The following TSPAN9 variants were observed in gnomAD, a reference collection of about 807,000 sequenced individuals.
TSPAN9 encodes the protein tetraspanin 9.
Under a neutral mutation model 31.0 loss-of-function variants are expected in TSPAN9, and 16 were observed. The observed-to-expected ratio is 0.52, with a 90% CI of 0.35 to 0.78. The LOEUF is 0.78. Among genes scored for constraint, TSPAN9 ranks in the 30% least tolerant of loss-of-function variants. The pLI, the probability that TSPAN9 is intolerant of heterozygous loss-of-function variation, is 0.01. For synonymous variants in TSPAN9, 145 were observed against 121.6 expected, an observed-to-expected ratio of 1.19 and a Z score of -1.27; for missense variants, 272 against 312.5, an observed-to-expected ratio of 0.87 and a Z score of 0.98.
chr12:3,128,963 T>A lies in TSPAN9; in HGVS notation c.-18+45244T>A, dbSNP rs557629897. Among the ~76,000 whole-genome samples, 230 of 152,296 alleles carry A rather than the reference T, an allele frequency of 1.5e-3. 1 individual carries two copies. Among genetic ancestry groups the A allele is most frequent in the African/African-American group, 5.3e-3 (220 of 41,558 alleles). ...CCAGCCCCTGGTTATCATCATCCAT[T>A]TTCTGGCTATGAATTGGATTATTCC... On this transcript the variant is annotated intron_variant, in intron 2 of 8. Transcript: ENST00000011898.
intron 3 of TSPAN9, among the ~76,000 whole-genome samples, chr12:3,264,329 C>G (rs1862503888): frequency 6.6e-6 from 1 of 152,198 alleles, no homozygotes; most frequent in Non-Finnish European, 1.5e-5. Flanking sequence ...TTCCCGCCCG[C>G]CAGCCCGCCT....
chr12:3,126,234 C>T (rs949307508), intron 2 of TSPAN9, among the ~76,000 whole-genome samples: 4 of 152,188 alleles, frequency 2.6e-5, no homozygotes, highest in Non-Finnish European at 5.9e-5. Flanking sequence ...TATACAGTCA[C>T]GTGTTGCTTC....
intron 2 of TSPAN9, among the ~76,000 whole-genome samples, chr12:3,164,474 C>T (rs776456143): frequency 1.3e-5 from 2 of 152,220 alleles, no homozygotes; most frequent in Non-Finnish European, 2.9e-5. Flanking sequence ...TTCCAGCTCA[C>T]TCTGGTCTTC....
chr12:3,229,909 G>C (rs916502211), intron 3 of TSPAN9, among the ~76,000 whole-genome samples: 2 of 152,220 alleles, frequency 1.3e-5, no homozygotes, highest in Non-Finnish European at 1.5e-5. Flanking sequence ...TGGGAAGCCA[G>C]AGTCCGACCT....
At chr12:3,225,110 T>C (rs1463075207) in intron 3 of TSPAN9, among the ~76,000 whole-genome samples, 4 of 152,098 alleles carry the variant, frequency 2.6e-5, no homozygotes, top group Non-Finnish European at 5.9e-5. Flanking sequence ...GAATCAATCA[T>C]CCTCGCACCC....
chr12:3,187,837 G>A lies in TSPAN9; in HGVS notation c.-17-13340G>A, dbSNP rs1405663645. Among the ~76,000 whole-genome samples, 1 of 152,140 alleles carries A rather than the reference G, an allele frequency of 6.6e-6. No individual in the cohort carries two copies. Among genetic ancestry groups the A allele is most frequent in the Non-Finnish European group, 1.5e-5 (1 of 68,024 alleles). On this transcript the variant is annotated intron_variant, in intron 2 of 8. Transcript: ENST00000011898. This position sits in a 1 kb window ranked among gnomAD's most constrained non-coding sequence, Gnocchi z 5.2. ...TGATGGGCCAGACTCTCCCTGGGCA[G>A]GTCCTCGGGGCACTCCCAGGCTGAA...
chr12:3,195,300 AG>A (rs1454506801), intron 2 of TSPAN9, among the ~76,000 whole-genome samples: 1 of 152,186 alleles, frequency 6.6e-6, no homozygotes, highest in Non-Finnish European at 1.5e-5. Context: ...AGGCAGAGAG[AG>A]CTTGGCATTT....
intron 2 of TSPAN9, among the ~76,000 whole-genome samples, chr12:3,198,112 C>T (rs941601291): frequency 1.3e-4 from 11 of 81,766 alleles, no homozygotes; most frequent in South Asian, 4.0e-4. Flanking sequence ...CCAGCACAGG[C>T]CACCACCAGC....
chr12:3,165,070 G>A (rs1277897314), intron 2 of TSPAN9, among the ~76,000 whole-genome samples: 1 of 152,218 alleles, frequency 6.6e-6, no homozygotes, highest in Non-Finnish European at 1.5e-5. Context: ...TCTGGGGTCA[G>A]CAAGCTTGCA....
intron 3 of TSPAN9, among the ~76,000 whole-genome samples, chr12:3,247,364 G>A (rs1192896775): frequency 2.0e-5 from 3 of 146,686 alleles, no homozygotes; most frequent in Non-Finnish European, 3.0e-5. Flanking sequence ...TGGTTGGAGT[G>A]TAAGCCAGCT....
intron 2 of TSPAN9, among the ~76,000 whole-genome samples, chr12:3,188,975 G>T (rs987652230): frequency 6.6e-6 from 1 of 152,206 alleles, no homozygotes; most frequent in Admixed American, 6.5e-5. Flanking sequence ...TGTGCACCAT[G>T]TATGGGGCTG....
At chr12:3,268,368 CTCTGTGTTCCTG>C (rs1862582542) in intron 3 of TSPAN9, among the ~76,000 whole-genome samples, 1 of 97,082 alleles carries the variant, frequency 1.0e-5, no homozygotes, top group African/African-American at 3.5e-5. Context: ...AGCCTGCCCT[CTCTGTGTTCCTG>C]CAGCCTGCCC....
chr12:3,276,848 A>G (rs1955712025), intron 3 of TSPAN9, among the ~76,000 whole-genome samples: 1 of 152,106 alleles, frequency 6.6e-6, no homozygotes, highest in African/African-American at 2.4e-5. Flanking sequence ...GTGGAGGAAT[A>G]AGCGAAGGAG....
intron 2 of TSPAN9, among the ~76,000 whole-genome samples, chr12:3,095,564 C>T (rs1252033482): frequency 1.5e-5 from 2 of 129,432 alleles, no homozygotes; most frequent in Non-Finnish European, 3.5e-5. Flanking sequence ...CCTCACTTCC[C>T]AGTAGGGGCG....
intron 2 of TSPAN9, among the ~76,000 whole-genome samples, chr12:3,157,233 G>A (rs1234079115): frequency 1.3e-5 from 2 of 151,982 alleles, no homozygotes; most frequent in Non-Finnish European, 2.9e-5. Context: ...CCGAGTAGCT[G>A]GGACTACGGG....
chr12:3,282,251 C>A, intron 8 of TSPAN9: 1 of 545,500 alleles, frequency 1.8e-6, no homozygotes, highest in Non-Finnish European at 3.3e-6. Context: ...GTCCCCGGCT[C>A]CTTTGAGGAT....
chr12:3,218,681 T>C (rs1231482374), intron 3 of TSPAN9, among the ~76,000 whole-genome samples: 1 of 152,212 alleles, frequency 6.6e-6, no homozygotes, highest in Admixed American at 6.5e-5. Flanking sequence ...GAAGGCTAGC[T>C]ACTCTAGCAC....
chr12:3,229,395 C>G (rs2098389497), intron 3 of TSPAN9, among the ~76,000 whole-genome samples: 1 of 152,254 alleles, frequency 6.6e-6, no homozygotes. Flanking sequence ...GTGGCCCTCA[C>G]TCTGCCTTCT....
At chr12:3,141,089 G>C (rs673461) in intron 2 of TSPAN9, among the ~76,000 whole-genome samples, 101,354 of 151,026 alleles carry the variant, frequency 0.67, 34,445 homozygotes, top group East Asian at 0.85. Context: ...GAGGACCACG[G>C]GGCTTTGAGG....
Sources: gnomAD v4.1 joint callset for allele counts (sites outside exome capture counted in the v4.1 genomes callset) on GRCh38, gnomAD v4.1.1 for gene constraint, Gnocchi (gnomAD v3.1) non-coding constraint, MANE v1.5 for transcripts, NCBI Gene and HGNC (gene_info 2026-07-23, HGNC 2026-07-21) for gene names.